The following DYNC1I1 variants were observed in gnomAD, a reference collection of about 807,000 sequenced individuals.
DYNC1I1 encodes cytoplasmic dynein 1 intermediate chain 1.
In DYNC1I1, 43 loss-of-function variants were observed where a neutral mutation model predicts 86.6. The observed-to-expected ratio is 0.50, with a 90% CI of 0.39 to 0.64. The LOEUF (loss-of-function observed/expected upper bound fraction) is 0.64. DYNC1I1 is among the 30% of genes least tolerant of loss of function. The probability of loss-of-function intolerance (pLI) is 0.00; values close to 1 mark genes in which losing one functional copy is unlikely to be tolerated. For missense variants in DYNC1I1, 604 were observed against 788.8 expected (o/e 0.77, Z 2.81); for synonymous variants, 262 against 283.7 (o/e 0.92, Z 0.77).
At position 96,080,454 on chromosome 7, in the gene DYNC1I1, C is replaced by T. The variant is rs748195049; in HGVS notation, c.1742C>T (p.Ser581Leu). Residue 581 changes from serine (S) to leucine (L), a missense_variant, in exon 16 of 17, where the codon TCG becomes TTG. Transcript: ENST00000447467. Reference sequence around the variant, plus strand: ...GGCAAAGAAGTTGCTGTTGGGGACTCGGAAGGCCGTATTTGGGTCTATGAC... The same window carrying T: ...GGCAAAGAAGTTGCTGTTGGGGACTTGGAAGGCCGTATTTGGGTCTATGAC... ...QAGKEVAVGD[S>L]EGRIWVYDVG... 3.7e-5 allele frequency: 59 copies of T among 1,613,958 alleles called. No homozygotes were observed. The Admixed American group carries it at 7.0e-4, about 19-fold the overall frequency.
chr7:95,834,804 G>A (rs201562652), intron 5 of DYNC1I1, among the ~76,000 whole-genome samples: 12,172 of 137,048 alleles, frequency 0.089, 499 homozygotes, highest in South Asian at 0.12. Context: ...ATTTCTGTGG[G>A]ATCGGTGGTG....
At chr7:95,780,026 G>A (rs1000500966) in intron 1 of DYNC1I1, among the ~76,000 whole-genome samples, 3 of 152,140 alleles carry the variant, frequency 2.0e-5, no homozygotes, top group African/African-American at 7.2e-5. Context: ...GAACCCCTTA[G>A]GCTAATCCTT....
At chr7:96,101,780 A>C (rs1791140704), downstream of DYNC1I1, among the ~76,000 whole-genome samples, 3 of 152,136 alleles carry the variant, frequency 2.0e-5, no homozygotes, top group Admixed American at 2.0e-4. Context: ...CTCTCACAGA[A>C]GGGAGGGCCA....
intron 1 of DYNC1I1, among the ~76,000 whole-genome samples, chr7:95,775,936 C>T (rs962369404): frequency 2.0e-5 from 3 of 152,272 alleles, no homozygotes; most frequent in East Asian, 1.9e-4. Context: ...AAACCCTTGA[C>T]GAGGTCCATG....
At chr7:95,837,977 C>A (rs1388172486) in intron 5 of DYNC1I1, among the ~76,000 whole-genome samples, 1 of 152,200 alleles carries the variant, frequency 6.6e-6, no homozygotes, top group Non-Finnish European at 1.5e-5. Context: ...TCCTATTCGG[C>A]CATCTTGGCT....
At chr7:96,064,011 A>G (rs1416098211) in intron 14 of DYNC1I1, among the ~76,000 whole-genome samples, 2 of 152,068 alleles carry the variant, frequency 1.3e-5, no homozygotes, top group African/African-American at 2.4e-5. Context: ...TTAGCGGGAG[A>G]GGTGGCTTGG....
chr7:95,823,548 C>A (rs1221415694), intron 4 of DYNC1I1, among the ~76,000 whole-genome samples: 1 of 152,116 alleles, frequency 6.6e-6, no homozygotes, highest in Non-Finnish European at 1.5e-5. Flanking sequence ...TGTCTCATTT[C>A]TTTTACCAAA....
chr7:95,785,801 ATATATATATATATATAT>A (rs1794126637), intron 1 of DYNC1I1, among the ~76,000 whole-genome samples: 1 of 125,556 alleles, frequency 8.0e-6, no homozygotes, highest in Non-Finnish European at 1.5e-5. Context: ...ATATATATAT[ATATATATATATATATAT>A]TATATATAAC....
chr7:95,844,115 A>G (rs187269723), intron 5 of DYNC1I1, among the ~76,000 whole-genome samples: 1,603 of 152,334 alleles, frequency 0.011, 9 homozygotes, highest in Non-Finnish European at 0.017. Flanking sequence ...CTGGGAGAGA[A>G]GAAAAGATTC....
chr7:95,856,384 G>A (rs181198622), intron 5 of DYNC1I1, among the ~76,000 whole-genome samples: 237 of 152,282 alleles, frequency 1.6e-3, no homozygotes, highest in African/African-American at 5.3e-3. Flanking sequence ...CATTAGAAAT[G>A]TCACACTTTT....
intron 1 of DYNC1I1, among the ~76,000 whole-genome samples, chr7:95,791,680 A>G (rs904688406): frequency 2.0e-5 from 3 of 152,248 alleles, no homozygotes; most frequent in Non-Finnish European, 4.4e-5. Context: ...GAGATAATCA[A>G]TAGAGATTGT....
chr7:95,880,564 G>A (rs1205054599), intron 6 of DYNC1I1, among the ~76,000 whole-genome samples: 1 of 151,880 alleles, frequency 6.6e-6, no homozygotes, highest in Non-Finnish European at 1.5e-5. Context: ...ACCTGTGAGA[G>A]AGTGGGTAAG....
At chr7:95,928,844 C>A (rs1366353616) in intron 6 of DYNC1I1, among the ~76,000 whole-genome samples, 1 of 152,164 alleles carries the variant, frequency 6.6e-6, no homozygotes, top group Non-Finnish European at 1.5e-5. Flanking sequence ...TGAAATGCAA[C>A]AGACAATGCA....
chr7:96,029,292 T>G (rs1016153333), intron 11 of DYNC1I1, among the ~76,000 whole-genome samples: 1 of 152,164 alleles, frequency 6.6e-6, no homozygotes, highest in African/African-American at 2.4e-5. Flanking sequence ...TTGGGAATCT[T>G]GGGAAATTGC....
intron 1 of DYNC1I1, among the ~76,000 whole-genome samples, chr7:95,781,643 G>A (rs916852324): frequency 6.6e-6 from 1 of 152,096 alleles, no homozygotes; most frequent in South Asian, 2.1e-4. Flanking sequence ...CAACACCACC[G>A]CTACCTTCCC....
chr7:95,806,845 T>C (rs190014296), intron 2 of DYNC1I1, among the ~76,000 whole-genome samples: 54 of 152,256 alleles, frequency 3.5e-4, no homozygotes, highest in African/African-American at 1.2e-3. Flanking sequence ...TGTGCTGACT[T>C]GGTTTGTTCT....
At chr7:95,903,220 G>A (rs1791086039) in intron 6 of DYNC1I1, among the ~76,000 whole-genome samples, 2 of 152,196 alleles carry the variant, frequency 1.3e-5, no homozygotes, top group South Asian at 4.1e-4. Flanking sequence ...TATATTGAAG[G>A]TGGGAAATAA....
chr7:95,869,820 A>T, intron 5 of DYNC1I1, 63 bp from the exon 6 acceptor site: 1 of 1,468,130 alleles, frequency 6.8e-7, no homozygotes, highest in Non-Finnish European at 9.4e-7. Context: ...TTCTTTTATT[A>T]CTGATAGCTC....
At chr7:96,050,024 A>AAAAAG (rs1789351986) in intron 14 of DYNC1I1, among the ~76,000 whole-genome samples, 1 of 149,496 alleles carries the variant, frequency 6.7e-6, no homozygotes, top group African/African-American at 2.5e-5. Flanking sequence ...TCCATCTCAA[A>AAAAAG]AAAAACAAAC....
Sources: allele counts gnomAD v4.1 joint callset (sites outside exome capture counted in the v4.1 genomes callset), GRCh38; gene constraint gnomAD v4.1.1; transcripts MANE v1.5; gene names NCBI Gene and HGNC (gene_info 2026-07-23, HGNC 2026-07-21).